UBOX5: variants seen among roughly 807,000 people sequenced by gnomAD.
The protein encoded by UBOX5 is RING finger protein 37.
UBOX5 carries 28 observed loss-of-function variants against 39.0 expected under a neutral mutation model. The observed-to-expected ratio is 0.72, with a 90% CI of 0.53 to 0.98. UBOX5 has a LOEUF of 0.98. UBOX5 is among the 50% of genes least tolerant of loss of function. UBOX5 has a pLI of 0.00. For missense variants in UBOX5, 585 were observed against 674.4 expected (o/e 0.87, Z 1.47); for synonymous variants, 283 against 275.5 (o/e 1.03, Z -0.27).
rs1224637546 is a variant in UBOX5, at chr20:3,122,149, C to T, written c.490G>A (p.Ala164Thr). 3 of 1,614,016 alleles carry T rather than the reference C, an allele frequency of 1.9e-6. No homozygotes were observed. The highest frequency in any genetic ancestry group is 2.5e-6 in the Non-Finnish European group (3 of 1,180,020). Reference protein sequence around the residue: ...VVAQELWNKGALSLSHVAHLR... With the variant: ...VVAQELWNKGTLSLSHVAHLR... ...TGGGCCACGTGGCTAAGGGAAAGAG[C>T]CCCTTTATTCCAGAGCTCCTGGGCC... The change falls in exon 3 of 5, where the codon GCT (alanine) becomes ACT (threonine). Residue 164 changes from alanine (A) to threonine (T), a missense_variant. Coordinates refer to ENST00000217173, the MANE Select transcript of UBOX5 (RefSeq NM_014948.4).
chr20:3,114,970 C>CA (rs981702581), intron 4 of UBOX5, among the ~76,000 whole-genome samples: 9 of 151,530 alleles, frequency 5.9e-5, no homozygotes, highest in South Asian at 2.1e-4. Context: ...AAATAACAAA[C>CA]AAAAAAAAGA....
chr20:3,149,117 C>A lies in UBOX5; in HGVS notation c.-42+10649G>T. The A allele has an allele frequency of 6.5e-7, 1 of 1,542,772 alleles. No individual in the cohort carries two copies. ...TTTGGCAGTCAGAATACAGTCCTCA[C>A]AGATTTGACCAGGCAATTTCTTGTT... On this transcript the variant is annotated intron_variant, in intron 1 of 4. Transcript: ENST00000217173. This position sits in a 1 kb window ranked among gnomAD's most constrained non-coding sequence, Gnocchi z 4.1.
At chr20:3,148,804 A>G in intron 1 of UBOX5, 1 of 1,614,220 alleles carries the variant, frequency 6.2e-7, no homozygotes, top group African/African-American at 1.3e-5. Flanking sequence ...GCTGCAATGT[A>G]CTGGCCTTAG....
At chr20:3,113,117 T>C (rs1284635552) in intron 4 of UBOX5, among the ~76,000 whole-genome samples, 2 of 73,522 alleles carry the variant, frequency 2.7e-5, no homozygotes, top group African/African-American at 7.0e-5. Flanking sequence ...CTACTAAATA[T>C]ACAAAAAAAA....
intron 1 of UBOX5, chr20:3,147,008 G>C (rs1383395146): frequency 5.6e-6 from 9 of 1,614,064 alleles, no homozygotes; most frequent in African/African-American, 1.3e-5. Flanking sequence ...CTGCATGCAG[G>C]CTGCGGGGCA....
intron 1 of UBOX5, chr20:3,148,034 G>C (rs1213619921): frequency 4.3e-6 from 7 of 1,614,040 alleles, no homozygotes; most frequent in Non-Finnish European, 5.9e-6. Flanking sequence ...CTGAATGTTA[G>C]CACAAGCCAA....
chr20:3,142,082 C>T (rs1243380257), intron 1 of UBOX5, among the ~76,000 whole-genome samples: 1 of 150,012 alleles, frequency 6.7e-6, no homozygotes, highest in Non-Finnish European at 1.5e-5. Context: ...TCACCTGAGT[C>T]CAGGAGGTCG....
At chr20:3,130,257 AT>A in intron 1 of UBOX5, among the ~76,000 whole-genome samples, 1 of 151,280 alleles carries the variant, frequency 6.6e-6, no homozygotes, top group East Asian at 1.9e-4. Context: ...AAATAAATAA[AT>A]AAATAAATAA....
At chr20:3,148,361 C>G (rs1474210726) in intron 1 of UBOX5, 3 of 1,614,160 alleles carry the variant, frequency 1.9e-6, no homozygotes, top group Non-Finnish European at 2.5e-6. Context: ...ATTCATCTCC[C>G]ATACCTGATG....
intron 1 of UBOX5, among the ~76,000 whole-genome samples, chr20:3,158,320 G>A (rs375244131): frequency 6.6e-6 from 1 of 151,922 alleles, no homozygotes; most frequent in Non-Finnish European, 1.5e-5. Flanking sequence ...TGAATGGCAA[G>A]GCCTTATTAG....
intron 1 of UBOX5, among the ~76,000 whole-genome samples, chr20:3,134,287 A>T (rs1330974454): frequency 6.6e-6 from 1 of 152,158 alleles, no homozygotes; most frequent in Non-Finnish European, 1.5e-5. Flanking sequence ...TGTATGACTA[A>T]AACAGTTTCT....
At chr20:3,143,698 G>A (rs2066537267) in intron 1 of UBOX5, among the ~76,000 whole-genome samples, 1 of 152,162 alleles carries the variant, frequency 6.6e-6, no homozygotes, top group South Asian at 2.1e-4. Flanking sequence ...GGGAGGCTGG[G>A]CAGAGAACTG....
At chr20:3,148,846 G>A in intron 1 of UBOX5, 1 of 1,614,224 alleles carries the variant, frequency 6.2e-7, no homozygotes, top group Non-Finnish European at 8.5e-7. Context: ...CCAAACCTGG[G>A]TGGGCACTGC....
At chr20:3,146,865 A>G (rs775799063) in intron 1 of UBOX5, 2 of 1,614,216 alleles carry the variant, frequency 1.2e-6, no homozygotes, top group Non-Finnish European at 1.7e-6. Flanking sequence ...TCCCAGTAGG[A>G]TAACTCTACC....
chr20:3,141,736 G>C (rs1600399350), intron 1 of UBOX5, among the ~76,000 whole-genome samples: 1 of 152,152 alleles, frequency 6.6e-6, no homozygotes, highest in East Asian at 1.9e-4. Context: ...TACTCAGCCG[G>C]GAGTGGTGGC....
Position 3,111,378 on chromosome 20 carries a change from T to C in UBOX5, c.1418-1064A>G, listed in dbSNP as rs1028909347. ...ACACATCTCTTCCTAACTATTCACC[T>C]GCTCCAGGCTTGTCTTCTCAATCTG... On this transcript the variant is annotated intron_variant, in intron 4 of 4. Coordinates refer to ENST00000217173, the MANE Select transcript of UBOX5 (RefSeq NM_014948.4). 2.6e-5 allele frequency among the ~76,000 whole-genome samples: 4 copies of C among 152,212 alleles called. No individual in the cohort carries two copies. In the East Asian group the frequency reaches 5.8e-4, roughly 22 times the overall value.
chr20:3,133,757 G>GA (rs373322613), intron 1 of UBOX5, among the ~76,000 whole-genome samples: 7 of 49,824 alleles, frequency 1.4e-4, no homozygotes, highest in African/African-American at 2.5e-4. Flanking sequence ...TATTTTTTTT[G>GA]GGGGGGGGAA....
Position 3,122,098 on chromosome 20 carries a change from T to C in UBOX5, c.541A>G (p.Thr181Ala), listed in dbSNP as rs2066342092. Residue 181 changes from threonine (T) to alanine (A), a missense_variant, in exon 3 of 5, where the codon ACA becomes GCA. Coordinates refer to ENST00000217173, the MANE Select transcript of UBOX5 (RefSeq NM_014948.4). ...AHLRICITHVTGGGIPCIKRL... is the reference protein window; with the variant it reads ...AHLRICITHVAGGGIPCIKRL... ...TTGATACAAGGGATACCGCCGCCTG[T>C]CACATGGGTGATACAGATCCTTAAG... The C allele has an allele frequency of 1.9e-6, 3 of 1,614,124 alleles. No individual in the cohort carries two copies. The highest frequency in any genetic ancestry group is 2.5e-6 in the Non-Finnish European group (3 of 1,180,054).
intron 1 of UBOX5, among the ~76,000 whole-genome samples, chr20:3,154,651 G>T (rs2066665869): frequency 6.6e-6 from 1 of 152,110 alleles, no homozygotes; most frequent in African/African-American, 2.4e-5. Context: ...CTATGGCAGG[G>T]TGACAGAGAG....
Sources: allele counts gnomAD v4.1 joint callset (sites outside exome capture counted in the v4.1 genomes callset), GRCh38; gene constraint gnomAD v4.1.1; non-coding constraint Gnocchi (gnomAD v3.1); transcripts MANE v1.5; gene names NCBI Gene and HGNC (gene_info 2026-07-23, HGNC 2026-07-21).